Variants in IL7 observed in about 807,000 individuals in gnomAD.
IL7 encodes interleukin 7.
IL7 carries 3 observed loss-of-function variants against 21.6 expected under a neutral mutation model. That is an observed-to-expected ratio of 0.14 (90% CI 0.06 to 0.36). The LOEUF (loss-of-function observed/expected upper bound fraction) is 0.36. Among genes scored for constraint, IL7 ranks in the 10% least tolerant of loss-of-function variants. The pLI, the probability that IL7 is intolerant of heterozygous loss-of-function variation, is 1.00. For missense variants in IL7, 175 were observed against 200.2 expected (o/e 0.87, Z 0.76); for synonymous variants, 62 against 68.1 (o/e 0.91, Z 0.44).
intron 2 of IL7, among the ~76,000 whole-genome samples, chr8:78,797,599 T>G (rs1813903161): frequency 6.6e-6 from 1 of 151,918 alleles, no homozygotes; most frequent in African/African-American, 2.4e-5. Context: ...AATAGAAAAT[T>G]TAACTCATAA....
chr8:78,791,926 A>G (rs1813710124), intron 2 of IL7, among the ~76,000 whole-genome samples: 1 of 152,174 alleles, frequency 6.6e-6, no homozygotes, highest in Non-Finnish European at 1.5e-5. Context: ...GCTATTTAAT[A>G]TACTAATCCC....
At chr8:78,769,113 A>G (rs1812863430) in intron 2 of IL7, among the ~76,000 whole-genome samples, 1 of 151,978 alleles carries the variant, frequency 6.6e-6, no homozygotes, top group African/African-American at 2.4e-5. Context: ...ATTCCCTTTG[A>G]AAACTGGCAC....
At chr8:78,682,386 T>C (rs1809815599) in intron 4 of IL7, among the ~76,000 whole-genome samples, 2 of 149,690 alleles carry the variant, frequency 1.3e-5, no homozygotes, top group Non-Finnish European at 2.9e-5. Flanking sequence ...GACTTAAACT[T>C]CCATGTGGCC....
intron 4 of IL7, among the ~76,000 whole-genome samples, chr8:78,676,291 G>A (rs760209093): frequency 3.9e-5 from 6 of 151,902 alleles, no homozygotes; most frequent in Non-Finnish European, 8.8e-5. Context: ...GTGATGAGTA[G>A]TAAATGGTAG....
intron 2 of IL7, among the ~76,000 whole-genome samples, chr8:78,794,819 C>T (rs750864267): frequency 4.6e-5 from 7 of 152,000 alleles, no homozygotes; most frequent in African/African-American, 1.4e-4. Context: ...CATTATTCAC[C>T]ACCAATCTTT....
At chr8:78,729,844 A>C (rs1376261116), downstream of IL7, among the ~76,000 whole-genome samples, 1 of 151,998 alleles carries the variant, frequency 6.6e-6, no homozygotes, top group African/African-American at 2.4e-5. Context: ...AATATAAGAA[A>C]ATTTGTGATA....
At chr8:78,793,460 A>G (rs1244635169) in intron 2 of IL7, among the ~76,000 whole-genome samples, 2 of 152,152 alleles carry the variant, frequency 1.3e-5, no homozygotes, top group African/African-American at 4.8e-5. Context: ...TTTACACTAT[A>G]CTGTAGTCTA....
At chr8:78,715,615 A>G (rs1481165542), downstream of IL7, among the ~76,000 whole-genome samples, 2 of 152,204 alleles carry the variant, frequency 1.3e-5, no homozygotes, top group Non-Finnish European at 1.5e-5. Flanking sequence ...TCCAAACTTC[A>G]TGGATGACTT....
downstream of IL7, among the ~76,000 whole-genome samples, chr8:78,714,561 C>A (rs941323737): frequency 1.2e-4 from 19 of 152,088 alleles, no homozygotes; most frequent in African/African-American, 4.3e-4. Flanking sequence ...TTTGAATTCC[C>A]AAGCCTCTGC....
chr8:78,749,551 T>G (rs1812099603), intron 2 of IL7, among the ~76,000 whole-genome samples: 1 of 152,106 alleles, frequency 6.6e-6, no homozygotes, highest in Non-Finnish European at 1.5e-5. Context: ...AGCAGAAACC[T>G]CCATAGCAAC....
rs897241931 is a variant in IL7 at position 78,762,511 on chromosome 8, G to A, written c.148-22429C>T. 9.2e-5 allele frequency: 101 copies of A among 1,097,382 alleles called. No individual in the cohort carries two copies. The African/African-American group carries it at 1.6e-3, about 17-fold the overall frequency. The allele number at this position is 1,097,382 out of a possible 1,614,324, so 68.0% of individuals were successfully genotyped here. ...TCCGCCCGCCCGTCGGGGCCGGGGA[G>A]GGGAGCCAGGCCGGCCGGCCGGCTC... is the stretch of plus-strand genomic sequence containing the variant. On this transcript the variant is annotated intron_variant, in intron 2 of 5. Coordinates refer to ENST00000263851, the MANE Select transcript of IL7 (RefSeq NM_000880.4).
intron 3 of IL7, among the ~76,000 whole-genome samples, chr8:78,711,573 A>G (rs556793355): frequency 1.3e-5 from 2 of 152,282 alleles, no homozygotes; most frequent in South Asian, 4.1e-4. Flanking sequence ...TTGGAATTTT[A>G]AAAAGCACGG....
At chr8:78,779,694 T>C (rs772660128) in intron 2 of IL7, among the ~76,000 whole-genome samples, 6 of 152,094 alleles carry the variant, frequency 3.9e-5, no homozygotes, top group Non-Finnish European at 7.4e-5. Context: ...TGGCCTGAAG[T>C]TTTCTTTTTT....
chr8:78,774,127 TC>T (rs1312062139), intron 2 of IL7, among the ~76,000 whole-genome samples: 9 of 152,148 alleles, frequency 5.9e-5, no homozygotes, highest in African/African-American at 2.2e-4. Context: ...GTTTACCCTA[TC>T]TAACATTTTG....
At chr8:78,767,934 C>A (rs1054389430) in intron 2 of IL7, among the ~76,000 whole-genome samples, 13 of 151,930 alleles carry the variant, frequency 8.6e-5, no homozygotes, top group Non-Finnish European at 4.4e-5. Flanking sequence ...CCCCACCTCA[C>A]AACAGTCCCC....
intron 3 of IL7, chr8:78,697,549 T>C (rs763422890): frequency 1.3e-5 from 19 of 1,468,692 alleles, no homozygotes; most frequent in Non-Finnish European, 1.8e-5. Context: ...TTTGAAACCA[T>C]GTTGGCAGAG....
Position 78,726,369 on chromosome 8 carries a change from C to T in IL7, n.268-4929G>A, listed in dbSNP as rs986286767. ...AGTGCACAGGCTCTGTGGTGAGAGC[C>T]CGGTACCTCTGGAATGGTGTGTGTG... On this transcript the variant is annotated intron_variant and non_coding_transcript_variant, in intron 3 of 6. Coordinates refer to the IL7 transcript ENST00000519833. Among the ~76,000 whole-genome samples the T allele has an allele frequency of 2.0e-5, 3 of 151,812 alleles. No individual in the cohort carries two copies. The South Asian group carries it at 6.2e-4, about 32-fold the overall frequency.
chr8:78,675,956 T>TA, exon 5 of IL7: 1 of 1,149,670 alleles, frequency 8.7e-7, no homozygotes, highest in African/African-American at 1.6e-5. Context: ...TTACGTGGAA[T>TA]AGTTTTTGAA....
intron 2 of IL7, among the ~76,000 whole-genome samples, chr8:78,743,037 A>G (rs895852381): frequency 1.3e-5 from 2 of 152,166 alleles, no homozygotes; most frequent in African/African-American, 2.4e-5. Flanking sequence ...AGCTCCATCC[A>G]TGTCCCTGCA....
Sources: gnomAD v4.1 joint callset for allele counts (sites outside exome capture counted in the v4.1 genomes callset) on GRCh38, gnomAD v4.1.1 for gene constraint, MANE v1.5 for transcripts, NCBI Gene and HGNC (gene_info 2026-07-23, HGNC 2026-07-21) for gene names.